MIPOL1: variants seen among roughly 807,000 people sequenced by gnomAD.
The protein encoded by MIPOL1 is mirror-image polydactyly 1, also known as mirror-image polydactyly gene 1 protein.
MIPOL1 carries 57 observed loss-of-function variants against 60.9 expected under a neutral mutation model. That is an observed-to-expected ratio of 0.94 (90% CI 0.76 to 1.17). The LOEUF is 1.17. MIPOL1 is among the 50% of genes most tolerant of loss of function. MIPOL1 has a pLI of 0.00. For missense variants in MIPOL1, 551 were observed against 511.6 expected (o/e 1.08, Z -0.74); for synonymous variants, 179 against 168.8 (o/e 1.06, Z -0.47).
chr14:37,281,264 T>C (rs1253754134), intron 6 of MIPOL1, among the ~76,000 whole-genome samples: 1 of 152,264 alleles, frequency 6.6e-6, no homozygotes, highest in Non-Finnish European at 1.5e-5. Flanking sequence ...GAAGAGATTG[T>C]ACTTTCTCCA....
At chr14:37,531,436 A>T (rs1282642110) in intron 12 of MIPOL1, among the ~76,000 whole-genome samples, 2 of 152,138 alleles carry the variant, frequency 1.3e-5, no homozygotes, top group Non-Finnish European at 2.9e-5. Context: ...GTACCATCCT[A>T]TTCTATGAAA....
intron 3 of MIPOL1, among the ~76,000 whole-genome samples, chr14:37,248,632 C>CTA (rs201601021): frequency 1.9e-4 from 29 of 151,296 alleles, no homozygotes; most frequent in East Asian, 5.9e-4. Context: ...ATATCTATAT[C>CTA]TATATATATA....
intron 1 of MIPOL1, among the ~76,000 whole-genome samples, chr14:37,246,128 TA>T (rs540619219): frequency 7.3e-4 from 111 of 152,276 alleles, no homozygotes; most frequent in Admixed American, 6.9e-3. Flanking sequence ...TATTTTGTTT[TA>T]CATTTTCCAT....
chr14:37,202,481 C>T (rs1489503193), intron 1 of MIPOL1, among the ~76,000 whole-genome samples: 2 of 152,010 alleles, frequency 1.3e-5, no homozygotes, highest in Non-Finnish European at 2.9e-5. Flanking sequence ...TGTTCATATG[C>T]GTGTTTTTCA....
rs1346340278 is a variant in MIPOL1 at position 37,548,617 on chromosome 14, A to T, written c.*1646A>T. The T allele has an allele frequency of 6.6e-6, 1 of 151,962 alleles. No homozygotes were observed. The allele number at this position is 151,962 out of a possible 1,614,324, so 9.4% of individuals were successfully genotyped here. ...ACAGCTCCCTATGTGAAGAAACATT[A>T]TCTTTAAAGTCATCTGGGAGGTGCA... On this transcript the variant is annotated 3_prime_UTR_variant, in exon 13 of 13. Coordinates refer to ENST00000684589, the MANE Select transcript of MIPOL1 (RefSeq NM_001388067.1).
At chr14:37,496,476 CA>C (rs1216715615) in intron 11 of MIPOL1, among the ~76,000 whole-genome samples, 1 of 144,212 alleles carries the variant, frequency 6.9e-6, no homozygotes, top group African/African-American at 2.6e-5. Context: ...AATCAATGTA[CA>C]AAAATCACAA....
intron 12 of MIPOL1, among the ~76,000 whole-genome samples, chr14:37,539,029 C>T (rs1433421428): frequency 1.3e-5 from 2 of 151,926 alleles, no homozygotes; most frequent in East Asian, 3.9e-4. Flanking sequence ...GGTGAAACCC[C>T]GTCTCTACTA....
intron 6 of MIPOL1, chr14:37,276,918 C>T (rs979356821): frequency 6.6e-6 from 1 of 151,040 alleles, no homozygotes; most frequent in Admixed American, 6.6e-5. Context: ...CTGTCTTTGG[C>T]TACAGAATTC....
chr14:37,328,530 AT>A (rs1207789647), intron 9 of MIPOL1, among the ~76,000 whole-genome samples: 1 of 152,224 alleles, frequency 6.6e-6, no homozygotes, highest in Non-Finnish European at 1.5e-5. Context: ...ATTTAAAAAA[AT>A]ATGCAAAATT....
At chr14:37,203,438 C>T (rs1965616689) in intron 1 of MIPOL1, among the ~76,000 whole-genome samples, 1 of 152,112 alleles carries the variant, frequency 6.6e-6, no homozygotes, top group Non-Finnish European at 1.5e-5. Context: ...TATTTTTGTT[C>T]TGGTTTTTAT....
chr14:37,422,068 G>C (rs1205268846), intron 10 of MIPOL1, among the ~76,000 whole-genome samples: 1 of 151,922 alleles, frequency 6.6e-6, no homozygotes, highest in African/African-American at 2.4e-5. Flanking sequence ...ACTTACCAGT[G>C]CCAGATTTTC....
intron 9 of MIPOL1, among the ~76,000 whole-genome samples, chr14:37,356,683 G>C (rs558816659): frequency 6.6e-6 from 1 of 152,154 alleles, no homozygotes; most frequent in Non-Finnish European, 1.5e-5. Flanking sequence ...GGTGCCGTCC[G>C]TCACCCCTTT....
At chr14:37,452,851 G>A (rs2094438007) in intron 11 of MIPOL1, among the ~76,000 whole-genome samples, 1 of 152,186 alleles carries the variant, frequency 6.6e-6, no homozygotes, top group African/African-American at 2.4e-5. Flanking sequence ...AATAATGCCA[G>A]AGCCGTCTGT....
chr14:37,359,811 T>G (rs1054533330), intron 9 of MIPOL1, among the ~76,000 whole-genome samples: 3 of 152,232 alleles, frequency 2.0e-5, no homozygotes, highest in Non-Finnish European at 2.9e-5. Context: ...TATCTTTTAT[T>G]TCTTTCTCTT....
At chr14:37,458,333 C>G (rs1321440592) in intron 11 of MIPOL1, among the ~76,000 whole-genome samples, 1 of 152,164 alleles carries the variant, frequency 6.6e-6, no homozygotes, top group Non-Finnish European at 1.5e-5. Context: ...TAGACATTCT[C>G]AGAACATTCT....
chr14:37,531,613 G>A (rs1401722964), intron 12 of MIPOL1, among the ~76,000 whole-genome samples: 1 of 152,086 alleles, frequency 6.6e-6, no homozygotes. Context: ...ACCAGAAGAG[G>A]CAGATAACTG....
chr14:37,204,796 T>G (rs749753717), intron 1 of MIPOL1, among the ~76,000 whole-genome samples: 25 of 152,020 alleles, frequency 1.6e-4, no homozygotes, highest in Non-Finnish European at 3.2e-4. Flanking sequence ...AAAAGATACC[T>G]GAAAATGTGG....
At position 37,295,024 on chromosome 14, in the gene MIPOL1, G is replaced by T. The variant is rs567651362; in HGVS notation, c.623+9577G>T. On this transcript the variant is annotated intron_variant, in intron 7 of 12. Transcript: ENST00000684589. ...TTGTCAGATTCACCAAAGTTGAAAT[G>T]AAGGAAAAAATGTTCAGGGCAGCCA... Among the ~76,000 whole-genome samples, 17 of 152,222 alleles carry T rather than the reference G, an allele frequency of 1.1e-4. No homozygotes were observed. In the South Asian group the frequency reaches 2.7e-3, roughly 24 times the overall value.
chr14:37,479,039 A>G (rs112412093), intron 11 of MIPOL1, among the ~76,000 whole-genome samples: 3,224 of 152,296 alleles, frequency 0.021, 100 homozygotes, highest in African/African-American at 0.072. Context: ...GGAGAGATAA[A>G]TTGCAACATA....
Sources: gnomAD v4.1 joint callset for allele counts (sites outside exome capture counted in the v4.1 genomes callset) on GRCh38, gnomAD v4.1.1 for gene constraint, MANE v1.5 for transcripts, NCBI Gene and HGNC (gene_info 2026-07-23, HGNC 2026-07-21) for gene names.